Variants in WARS1 observed in about 807,000 individuals in gnomAD.
WARS1 encodes tryptophan--tRNA ligase, cytoplasmic.
WARS1 carries 17 observed loss-of-function variants against 47.8 expected under a neutral mutation model. The observed-to-expected ratio is 0.36, with a 90% CI of 0.24 to 0.53. The LOEUF is 0.53. WARS1 is among the 20% of genes least tolerant of loss of function. WARS1 has a pLI of 0.91. For missense variants in WARS1, 434 were observed against 608.0 expected, an observed-to-expected ratio of 0.71 and a Z score of 3.01; for synonymous variants, 208 against 228.1, an observed-to-expected ratio of 0.91 and a Z score of 0.79.
At chr14:100,374,590 A>C (rs1896533499) in intron 1 of WARS1, among the ~76,000 whole-genome samples, 2 of 152,240 alleles carry the variant, frequency 1.3e-5, no homozygotes, top group African/African-American at 4.8e-5. Flanking sequence ...GGGTTGCATC[A>C]AAATCATCTC....
intron 4 of WARS1, among the ~76,000 whole-genome samples, chr14:100,355,340 C>A (rs1023385876): frequency 6.6e-6 from 1 of 152,048 alleles, no homozygotes; most frequent in Non-Finnish European, 1.5e-5. Flanking sequence ...CCTGCCTCAG[C>A]CTCCCGAGTA....
intron 1 of WARS1, among the ~76,000 whole-genome samples, chr14:100,370,778 A>C (rs1896298980): frequency 1.2e-5 from 1 of 80,752 alleles, no homozygotes; most frequent in Non-Finnish European, 3.0e-5. Flanking sequence ...CTCTACAAAA[A>C]AATGAAAAAA....
intron 5 of WARS1, chr14:100,354,123 T>C (rs1895167256): frequency 1.9e-6 from 1 of 520,560 alleles, no homozygotes; most frequent in African/African-American, 1.9e-5. Flanking sequence ...AGTAGTTCTA[T>C]GAGGTAGGTA....
Position 100,365,162 on chromosome 14 carries a change from C to A in WARS1, c.100-3241G>T, listed in dbSNP as rs184508751. Reference sequence around the variant, plus strand: ...ACACACACACACACACACACACACACAAATAATGATTTAAATCAGGGTCCC... The same window carrying A: ...ACACACACACACACACACACACACAAAAATAATGATTTAAATCAGGGTCCC... On this transcript the variant is annotated intron_variant, in intron 2 of 10. Transcript: ENST00000392882. 3.6e-4 allele frequency among the ~76,000 whole-genome samples: 54 copies of A among 151,066 alleles called. 1 individual carries two copies. The East Asian group carries it at 8.9e-3, about 25-fold the overall frequency.
intron 6 of WARS1, among the ~76,000 whole-genome samples, chr14:100,347,309 GAGA>G (rs1367279761): frequency 6.6e-6 from 1 of 152,136 alleles, no homozygotes; most frequent in East Asian, 1.9e-4. Flanking sequence ...CCCACGGCCC[GAGA>G]AGGAGGAAGG....
intron 2 of WARS1, 30 bp downstream of exon 2, chr14:100,369,057 C>G (rs1311585242): frequency 6.8e-7 from 1 of 1,481,216 alleles, no homozygotes; most frequent in Non-Finnish European, 9.1e-7. Flanking sequence ...GCTCAGCTGC[C>G]TTCGTGGAGA....
intron 2 of WARS1, among the ~76,000 whole-genome samples, 189 bp from the exon 3 acceptor site, chr14:100,362,110 TAG>T (rs773348185): frequency 6.6e-6 from 1 of 152,162 alleles, no homozygotes; most frequent in Non-Finnish European, 1.5e-5. Flanking sequence ...CTCAGAGAGG[TAG>T]AGGAGCTTAC....
chr14:100,339,142 C>G (rs1893962520), intron 9 of WARS1, among the ~76,000 whole-genome samples: 1 of 151,916 alleles, frequency 6.6e-6, no homozygotes, highest in Non-Finnish European at 1.5e-5. Flanking sequence ...CACACACACA[C>G]ACACAGAATT....
chr14:100,369,863 C>T (rs1024361831), intron 1 of WARS1, among the ~76,000 whole-genome samples: 7 of 151,950 alleles, frequency 4.6e-5, no homozygotes, highest in African/African-American at 1.7e-4. Context: ...AGGGTTTCAC[C>T]ATGTTGGCCA....
rs535584951 is a variant in WARS1 at position 100,370,066 on chromosome 14, T to C, written c.-73-808A>G. 5.3e-5 allele frequency among the ~76,000 whole-genome samples: 8 copies of C among 152,330 alleles called. No homozygotes were observed. In the East Asian group the frequency reaches 1.5e-3, roughly 29 times the overall value. On this transcript the variant is annotated intron_variant, in intron 1 of 10. Coordinates refer to ENST00000392882, the MANE Select transcript of WARS1 (RefSeq NM_004184.4). ...CAAATGTCTTCCACTGCTGGTCAGCTGCTCTCAGACAAAGTGAGCTCTGGG... is the reference window on the plus strand; with the variant it reads ...CAAATGTCTTCCACTGCTGGTCAGCCGCTCTCAGACAAAGTGAGCTCTGGG...
At position 100,369,072 on chromosome 14, in the gene WARS1, A is replaced by G. The variant is rs1228694437; in HGVS notation, c.99+15T>C. 4.0e-6 allele frequency: 6 copies of G among 1,515,492 alleles called. No homozygotes were observed. Among genetic ancestry groups the G allele is most frequent in the Non-Finnish European group, 5.4e-6 (6 of 1,117,946 alleles). The allele number at this position is 1,515,492 out of a possible 1,614,324, so 93.9% of individuals were successfully genotyped here. On this transcript the variant is annotated intron_variant, in intron 2 of 10. Transcript: ENST00000392882. ...GCTCAGCTGCCTTCGTGGAGAACCC[A>G]GCAAAATCATGTACCTTTGACGCAT...
At chr14:100,362,650 C>G (rs965367164) in intron 2 of WARS1, among the ~76,000 whole-genome samples, 14 of 152,104 alleles carry the variant, frequency 9.2e-5, no homozygotes, top group African/African-American at 3.1e-4. Context: ...AAAAGCAGGC[C>G]TAATTAAGCT....
At chr14:100,351,562 T>C (rs896098897) in intron 6 of WARS1, among the ~76,000 whole-genome samples, 4 of 151,898 alleles carry the variant, frequency 2.6e-5, no homozygotes, top group African/African-American at 7.3e-5. Flanking sequence ...TTTGATCCCA[T>C]TTCATGGACA....
At chr14:100,368,262 C>T (rs910651168) in intron 2 of WARS1, 6 of 344,860 alleles carry the variant, frequency 1.7e-5, no homozygotes, top group Admixed American at 8.1e-5. Context: ...ATATTAACTC[C>T]AGAGAAAACA....
At chr14:100,353,963 A>T (rs1056294158) in intron 5 of WARS1, 94 bp from the exon 6 acceptor site, 1 of 1,171,162 alleles carries the variant, frequency 8.5e-7, no homozygotes, top group East Asian at 2.4e-5. Context: ...CTTACAACGT[A>T]TGTTAAAACT....
chr14:100,362,021 C>T (rs1444471520), intron 2 of WARS1, 100 bp from the exon 3 acceptor site: 36 of 1,243,186 alleles, frequency 2.9e-5, no homozygotes, highest in Admixed American at 2.6e-4. Flanking sequence ...TGCTTTTACA[C>T]GTGTTACCTT....
At chr14:100,342,947 A>G (rs4520782) in intron 8 of WARS1, among the ~76,000 whole-genome samples, 146,444 of 152,140 alleles carry the variant, frequency 0.96, 70,725 homozygotes, top group East Asian at 1. Flanking sequence ...CGCCCAGGCT[A>G]GAGTGCAGTG....
chr14:100,372,025 T>C (rs919120441), intron 1 of WARS1, among the ~76,000 whole-genome samples: 1 of 152,182 alleles, frequency 6.6e-6, no homozygotes, highest in Non-Finnish European at 1.5e-5. Context: ...TTCTCCTTGC[T>C]CATCCTGGCT....
rs571196237 is a variant in WARS1 at position 100,339,462 on chromosome 14, C to T, written c.1114-2260G>A. 7.2e-5 allele frequency among the ~76,000 whole-genome samples: 11 copies of T among 151,882 alleles called. No homozygotes were observed. The East Asian group carries it at 7.8e-4, about 11-fold the overall frequency. ...AAAATTAGCTGGGTGTGGTGGTGGG[C>T]GCCTGTAGGCCCAGCTACTCGGGAG... On this transcript the variant is annotated intron_variant, in intron 9 of 10. Coordinates refer to ENST00000392882, the MANE Select transcript of WARS1 (RefSeq NM_004184.4).
Sources: gnomAD v4.1 joint callset for allele counts (sites outside exome capture counted in the v4.1 genomes callset) on GRCh38, gnomAD v4.1.1 for gene constraint, MANE v1.5 for transcripts, NCBI Gene and HGNC (gene_info 2026-07-23, HGNC 2026-07-21) for gene names.